ADCK2: variants seen among roughly 807,000 people sequenced by gnomAD.
The protein encoded by ADCK2 is aarF domain containing kinase 2, also known as uncharacterized aarF domain-containing protein kinase 2.
Under a neutral mutation model 52.3 loss-of-function variants are expected in ADCK2, and 37 were observed. That is an observed-to-expected ratio of 0.71 (90% CI 0.54 to 0.93). The LOEUF (loss-of-function observed/expected upper bound fraction) is 0.93, where lower values mean the gene tolerates loss of function less well. Among genes scored for constraint, ADCK2 ranks in the 40% least tolerant of loss-of-function variants. ADCK2 has a pLI of 0.00. For synonymous variants in ADCK2, 321 were observed against 349.2 expected (o/e 0.92, Z 0.90); for missense variants, 695 against 798.7 (o/e 0.87, Z 1.56).
intron 5 of ADCK2, among the ~76,000 whole-genome samples, chr7:140,688,236 G>T (rs1231822815): frequency 6.6e-6 from 1 of 152,074 alleles, no homozygotes; most frequent in Non-Finnish European, 1.5e-5. Context: ...TAGAGATGGG[G>T]TTTCACCATG....
intron 4 of ADCK2, among the ~76,000 whole-genome samples, chr7:140,685,514 C>T (rs550557829): frequency 7.9e-5 from 12 of 152,182 alleles, no homozygotes; most frequent in Admixed American, 2.0e-4. Context: ...GCACCAGCTT[C>T]GCTGGAGGGT....
chr7:140,677,427 ACAGT>A (rs900852052), intron 2 of ADCK2, among the ~76,000 whole-genome samples: 4 of 151,794 alleles, frequency 2.6e-5, no homozygotes, highest in Non-Finnish European at 4.4e-5. Flanking sequence ...AAAAAGAAAG[ACAGT>A]CAGCCCTCTG....
chr7:140,691,487 CT>C (rs1794701466), intron 7 of ADCK2, among the ~76,000 whole-genome samples: 1 of 151,742 alleles, frequency 6.6e-6, no homozygotes, highest in African/African-American at 2.4e-5. Context: ...AGAGGCCGCT[CT>C]AGAGGGTCAT....
chr7:140,689,404 G>T (rs1398381915), intron 5 of ADCK2, among the ~76,000 whole-genome samples, 193 bp from the exon 6 acceptor site: 1 of 152,216 alleles, frequency 6.6e-6, no homozygotes, highest in Admixed American at 6.5e-5. Flanking sequence ...CTGAGGCGCA[G>T]TGCAGCGGGG....
At position 140,681,055 on chromosome 7, in the gene ADCK2, T is replaced by C. The variant is rs1272623770; in HGVS notation, c.1223T>C (p.Val408Ala). Residue 408 changes from valine to alanine, a missense_variant, in exon 4 of 8, where the codon GTG (valine) becomes GCG (alanine). By Grantham distance (64) the Val-to-Ala change is moderately conservative. Transcript: ENST00000072869. The part of the protein sequence containing the change: ...LVETYEESVP[V>A]SSYQQAGIPV... ...GTCTTTCTGAAGGAGAGTGTGCCTG[T>C]GTCCAGTTACCAGCAGGCAGGAATT... The C allele has an allele frequency of 6.2e-7, 1 of 1,613,986 alleles. No homozygotes were observed. The highest frequency in any genetic ancestry group is 1.3e-5 in the African/African-American group (1 of 74,946).
Position 140,694,875 on chromosome 7 carries a change from G to A in ADCK2, c.*72G>A, listed in dbSNP as rs1292632801. On this transcript the variant is annotated 3_prime_UTR_variant, in exon 8 of 8. Coordinates refer to ENST00000072869, the MANE Select transcript of ADCK2 (RefSeq NM_052853.4). ...CCCAAGAGCCTCTCCTATGGCAGCT[G>A]GGACGTTTTAAAATTGGGACACCAA... 4.0e-6 allele frequency: 6 copies of A among 1,515,742 alleles called. 1 individual carries two copies. The highest frequency in any genetic ancestry group is 5.3e-6 in the Non-Finnish European group (6 of 1,135,942). The allele number at this position is 1,515,742 out of a possible 1,614,324, so 93.9% of individuals were successfully genotyped here. A position where few individuals can be genotyped will look rare whatever the true frequency, so the allele number is the denominator to read the frequency against.
chr7:140,691,708 C>A (rs1044519576), intron 7 of ADCK2, among the ~76,000 whole-genome samples: 9 of 152,222 alleles, frequency 5.9e-5, no homozygotes, highest in African/African-American at 1.9e-4. Flanking sequence ...AAGGGAGGAC[C>A]TCGTTGGAAG....
In ADCK2 at chr7:140,674,326, G is replaced by A. The variant is rs1794354382; in HGVS notation, c.933+63G>A. On this transcript the variant is annotated intron_variant, in intron 1 of 7. Transcript: ENST00000072869. The surrounding 1 kb of genome is among the most constrained non-coding windows in gnomAD (Gnocchi z 4.6). ...GAGCTATCCCAGATCAGAAACAACC[G>A]CCATGCAAATCGCCCCCACGTTTAT... is the stretch of plus-strand genomic sequence containing the variant. 6.7e-7 allele frequency: 1 copy of A among 1,487,740 alleles called. No homozygotes were observed. Among genetic ancestry groups the A allele is most frequent in the Non-Finnish European group, 9.0e-7 (1 of 1,105,022 alleles). The allele number at this position is 1,487,740 out of a possible 1,614,324, so 92.2% of individuals were successfully genotyped here. A position where few individuals can be genotyped will look rare whatever the true frequency, so the allele number is the denominator to read the frequency against.
chr7:140,688,501 A>T (rs1185118459), intron 5 of ADCK2, among the ~76,000 whole-genome samples: 1 of 152,186 alleles, frequency 6.6e-6, no homozygotes, highest in African/African-American at 2.4e-5. Context: ...GCTGGGTGCA[A>T]ATCAGGCCAG....
intron 5 of ADCK2, 47 bp downstream of exon 5, chr7:140,687,288 T>G: frequency 6.6e-7 from 1 of 1,504,512 alleles, no homozygotes; most frequent in South Asian, 1.3e-5. Flanking sequence ...TTTTTTTAAT[T>G]AAAAGAGCTG....
At chr7:140,685,108 AC>A (rs1794583559) in intron 4 of ADCK2, among the ~76,000 whole-genome samples, 1 of 152,138 alleles carries the variant, frequency 6.6e-6, no homozygotes, top group Non-Finnish European at 1.5e-5. Context: ...AATTATAGCA[AC>A]ATTCAATAAA....
At chr7:140,686,880 C>T (rs540041809) in intron 4 of ADCK2, 110 bp from the exon 5 acceptor site, 96 of 1,423,846 alleles carry the variant, frequency 6.7e-5, no homozygotes, top group Admixed American at 4.2e-4. Flanking sequence ...CACCTCTTTG[C>T]GGCTGTGATA....
At chr7:140,684,867 A>G (rs1794579080) in intron 4 of ADCK2, among the ~76,000 whole-genome samples, 1 of 152,044 alleles carries the variant, frequency 6.6e-6, no homozygotes, top group South Asian at 2.1e-4. Flanking sequence ...CTAGGTTTCA[A>G]TTCAGTAGTT....
Position 140,693,732 on chromosome 7 carries a change from T to C in ADCK2, c.1741-931T>C, listed in dbSNP as rs918923203. On this transcript the variant is annotated intron_variant, in intron 7 of 7. Transcript: ENST00000072869. The surrounding 1 kb of genome is among the most constrained non-coding windows in gnomAD (Gnocchi z 4.0). ...TCTGATTTTTTTTATTTTTTTGAGA[T>C]GGAGTTTCACTCTGTTGCCCAGGCT... Among the ~76,000 whole-genome samples the C allele has an allele frequency of 1.3e-5, 2 of 152,134 alleles. No homozygotes were observed. Among genetic ancestry groups the C allele is most frequent in the Non-Finnish European group, 2.9e-5 (2 of 68,008 alleles).
Position 140,695,084 on chromosome 7 carries a change from A to C in ADCK2, c.*281A>C. On this transcript the variant is annotated 3_prime_UTR_variant, in exon 8 of 8. Coordinates refer to ENST00000072869, the MANE Select transcript of ADCK2 (RefSeq NM_052853.4). ...CTTCAGGGAAAATGTTATGTGGAGGAGGACGAATAAATTTATTTTGTTTTC... is the reference window on the plus strand; with the variant it reads ...CTTCAGGGAAAATGTTATGTGGAGGCGGACGAATAAATTTATTTTGTTTTC... The C allele has an allele frequency of 6.0e-6, 7 of 1,175,088 alleles. No homozygotes were observed. Among genetic ancestry groups the C allele is most frequent in the Non-Finnish European group, 7.4e-6 (7 of 951,972 alleles). 72.8% of individuals were successfully genotyped at this position (1,175,088 alleles called of 1,614,324 possible).
intron 4 of ADCK2, among the ~76,000 whole-genome samples, chr7:140,682,911 G>A (rs1027249187): frequency 6.6e-6 from 1 of 150,406 alleles, no homozygotes; most frequent in African/African-American, 2.4e-5. Flanking sequence ...GGCTGAGGTG[G>A]GATCACCTGA....
intron 5 of ADCK2, among the ~76,000 whole-genome samples, chr7:140,688,341 G>T (rs1402129522): frequency 6.6e-6 from 1 of 152,156 alleles, no homozygotes. Flanking sequence ...ACTGCACCCA[G>T]CCAGAATGTC....
chr7:140,685,317 G>C (rs991814725), intron 4 of ADCK2, among the ~76,000 whole-genome samples: 1 of 152,046 alleles, frequency 6.6e-6, no homozygotes, highest in Non-Finnish European at 1.5e-5. Flanking sequence ...GGGTGTGGTG[G>C]TGCACACCTG....
chr7:140,693,410 CTT>C lies in ADCK2; in HGVS notation c.1741-1251_1741-1250del. Reference sequence around the variant, plus strand: ...CCAGCCCTTAACGGAGACAAATACTCTTTAATTTCTAACAAAGAATATTTCCC... The same window carrying C: ...CCAGCCCTTAACGGAGACAAATACTCTAATTTCTAACAAAGAATATTTCCC... On this transcript the variant is annotated intron_variant, in intron 7 of 7. Coordinates refer to ENST00000072869, the MANE Select transcript of ADCK2 (RefSeq NM_052853.4). The surrounding 1 kb of genome is among the most constrained non-coding windows in gnomAD (Gnocchi z 4.0). Among the ~76,000 whole-genome samples, 1 of 152,334 alleles carries C rather than the reference CTT, an allele frequency of 6.6e-6. No individual in the cohort carries two copies. The highest frequency in any genetic ancestry group is 2.1e-4 in the South Asian group (1 of 4,832).
Sources: gnomAD v4.1 joint callset for allele counts (sites outside exome capture counted in the v4.1 genomes callset) on GRCh38, gnomAD v4.1.1 for gene constraint, Gnocchi (gnomAD v3.1) non-coding constraint, MANE v1.5 for transcripts, NCBI Gene and HGNC (gene_info 2026-07-23, HGNC 2026-07-21) for gene names.